DCC: variants seen among roughly 807,000 people sequenced by gnomAD.
The protein encoded by DCC is netrin receptor DCC.
In DCC, 58 loss-of-function variants were observed where a neutral mutation model predicts 172.5. That is an observed-to-expected ratio of 0.34 (90% CI 0.27 to 0.42). The LOEUF is 0.42. Ranked by LOEUF, DCC falls within the 10% of genes least tolerant of loss-of-function variation. The pLI, the probability that DCC is intolerant of heterozygous loss-of-function variation, is 1.00. For missense variants in DCC, 1,740 were observed against 1,791.0 expected (o/e 0.97, Z 0.51); for synonymous variants, 709 against 644.5 (o/e 1.10, Z -1.52).
intron 12 of DCC, among the ~76,000 whole-genome samples, chr18:53,278,960 A>G (rs1304969218): frequency 1.3e-5 from 2 of 152,130 alleles, no homozygotes; most frequent in African/African-American, 4.8e-5. Flanking sequence ...TGGTATTTCT[A>G]GTTCTAGATC....
chr18:52,633,172 T>C (rs11664359), intron 1 of DCC, among the ~76,000 whole-genome samples: 3,234 of 151,862 alleles, frequency 0.021, 46 homozygotes, highest in Admixed American at 0.042. Context: ...TGTCCTTCAA[T>C]TGAAGGTCTG....
chr18:53,502,981 A>G (rs925186837), intron 27 of DCC, among the ~76,000 whole-genome samples: 2 of 151,970 alleles, frequency 1.3e-5, no homozygotes, highest in Non-Finnish European at 2.9e-5. Context: ...TGCATGCATT[A>G]GCTATTTTTC....
chr18:53,313,035 G>A (rs2057298521), intron 13 of DCC, among the ~76,000 whole-genome samples: 1 of 141,078 alleles, frequency 7.1e-6, no homozygotes, highest in Admixed American at 7.2e-5. Flanking sequence ...GGAAGAAGGA[G>A]GAAAGGGAAG....
intron 12 of DCC, among the ~76,000 whole-genome samples, chr18:53,294,597 G>C (rs1351846009): frequency 6.6e-6 from 1 of 152,178 alleles, no homozygotes; most frequent in East Asian, 1.9e-4. Flanking sequence ...GTCATCGCTG[G>C]AGGACTCAGC....
intron 1 of DCC, among the ~76,000 whole-genome samples, chr18:52,600,592 C>G (rs1242937904): frequency 6.6e-6 from 1 of 152,098 alleles, no homozygotes; most frequent in Non-Finnish European, 1.5e-5. Context: ...GATTTAAGTA[C>G]ACTAAACGTC....
chr18:53,099,293 A>C (rs181424104), intron 7 of DCC, among the ~76,000 whole-genome samples: 1 of 152,046 alleles, frequency 6.6e-6, no homozygotes, highest in East Asian at 1.9e-4. Context: ...ATTTTATTCA[A>C]TGGGTTATTA....
chr18:53,189,336 A>T lies in DCC; in HGVS notation c.1573+10220A>T, dbSNP rs187144410. On this transcript the variant is annotated intron_variant, in intron 9 of 28. Coordinates refer to ENST00000442544, the MANE Select transcript of DCC (RefSeq NM_005215.4). Reference sequence around the variant, plus strand: ...TAGGGATTTTATCAATTGAAGGTCAAACAGTAGAAATCCAAACCTGTGGTC... The same window carrying T: ...TAGGGATTTTATCAATTGAAGGTCATACAGTAGAAATCCAAACCTGTGGTC... 7.9e-5 allele frequency among the ~76,000 whole-genome samples: 12 copies of T among 152,196 alleles called. No homozygotes were observed. In the East Asian group the frequency reaches 2.3e-3, roughly 29 times the overall value.
chr18:53,212,220 C>G (rs1423045819), intron 11 of DCC, among the ~76,000 whole-genome samples: 2 of 152,104 alleles, frequency 1.3e-5, no homozygotes, highest in Admixed American at 1.3e-4. Context: ...CATCCTTCTC[C>G]ATATTGAGGG....
intron 19 of DCC, among the ~76,000 whole-genome samples, chr18:53,404,980 C>G (rs1014517753): frequency 6.6e-6 from 1 of 151,946 alleles, no homozygotes; most frequent in Non-Finnish European, 1.5e-5. Context: ...ATTGTATTAT[C>G]AAGTTGAGAT....
At chr18:53,077,221 A>ATG (rs2042735960) in intron 7 of DCC, among the ~76,000 whole-genome samples, 1 of 152,088 alleles carries the variant, frequency 6.6e-6, no homozygotes, top group African/African-American at 2.4e-5. Flanking sequence ...ATATATATAT[A>ATG]GTCCTACCTT....
chr18:53,205,290 C>A lies in DCC; in HGVS notation c.1648C>A (p.Pro550Thr), dbSNP rs769342452. 3.1e-6 allele frequency: 5 copies of A among 1,613,538 alleles called. No homozygotes were observed. The highest frequency in any genetic ancestry group is 4.2e-6 in the Non-Finnish European group (5 of 1,179,628). Residue 550 changes from proline (P) to threonine (T), a missense_variant, in exon 10 of 29, where the codon CCC becomes ACC. Pro to Thr is a conservative substitution (Grantham distance 38). Transcript: ENST00000442544. ...SPTSILITWE[P>T]PAYANGPVQG... Reference sequence around the variant, plus strand: ...TACCTCAATTCTTATTACCTGGGAACCCCCTGCCTATGCAAACGGTCCAGT... The same window carrying A: ...TACCTCAATTCTTATTACCTGGGAAACCCCTGCCTATGCAAACGGTCCAGT...
chr18:53,325,664 A>C (rs2057459928), intron 14 of DCC, among the ~76,000 whole-genome samples: 1 of 152,220 alleles, frequency 6.6e-6, no homozygotes, highest in Non-Finnish European at 1.5e-5. Flanking sequence ...AAATGCTTTT[A>C]ATTGGATTTG....
chr18:53,162,227 A>T (rs903872063), intron 8 of DCC, among the ~76,000 whole-genome samples: 2 of 147,354 alleles, frequency 1.4e-5, no homozygotes, highest in East Asian at 4.4e-4. Flanking sequence ...TGAACCTGGG[A>T]GGTGGAGATG....
At chr18:53,199,087 T>A (rs1044287295) in intron 9 of DCC, among the ~76,000 whole-genome samples, 3 of 151,566 alleles carry the variant, frequency 2.0e-5, no homozygotes, top group African/African-American at 7.3e-5. Context: ...TTCTTTTTTT[T>A]TTTTTTGAGA....
chr18:53,085,944 G>T lies in DCC; in HGVS notation c.1261+19778G>T. Among the ~76,000 whole-genome samples the T allele has an allele frequency of 1.4e-5, 2 of 145,638 alleles. 1 individual carries two copies. The highest frequency in any genetic ancestry group is 5.2e-5 in the African/African-American group (2 of 38,816). Reference sequence around the variant, plus strand: ...TCCAGACCTCTGTCATTTCAGCTTTGGTGGAGTATTTTCTCTTCTTCTTCT... The same window carrying T: ...TCCAGACCTCTGTCATTTCAGCTTTTGTGGAGTATTTTCTCTTCTTCTTCT... On this transcript the variant is annotated intron_variant, in intron 7 of 28. Coordinates refer to ENST00000442544, the MANE Select transcript of DCC (RefSeq NM_005215.4).
intron 2 of DCC, among the ~76,000 whole-genome samples, chr18:52,821,710 ATATT>A (rs1399841132): frequency 6.6e-6 from 1 of 152,142 alleles, no homozygotes; most frequent in African/African-American, 2.4e-5. Flanking sequence ...AATGCTGTAA[ATATT>A]TATTTCTGTA....
At chr18:53,490,008 G>T (rs962519424) in intron 26 of DCC, among the ~76,000 whole-genome samples, 1 of 152,114 alleles carries the variant, frequency 6.6e-6, no homozygotes, top group African/African-American at 2.4e-5. Context: ...TCTTGTCTTT[G>T]AAACAAGTAG....
At chr18:52,871,582 A>G (rs182986651) in intron 2 of DCC, among the ~76,000 whole-genome samples, 2 of 152,186 alleles carry the variant, frequency 1.3e-5, no homozygotes, top group African/African-American at 4.8e-5. Context: ...TCCTACCTTC[A>G]TAGCTGGGAC....
chr18:53,409,952 C>T lies in DCC; in HGVS notation c.2936-500C>T, dbSNP rs944084937. Among the ~76,000 whole-genome samples the T allele has an allele frequency of 3.3e-5, 5 of 152,130 alleles. No individual in the cohort carries two copies. In the South Asian group the frequency reaches 6.2e-4, roughly 19 times the overall value. ...ACCGTCTGTGAAAGGAAAGCAACAC[C>T]GCCCCTGGCAACCTCACTAAGTTGT... On this transcript the variant is annotated intron_variant, in intron 19 of 28. Transcript: ENST00000442544.
Sources: allele counts gnomAD v4.1 joint callset (sites outside exome capture counted in the v4.1 genomes callset), GRCh38; gene constraint gnomAD v4.1.1; transcripts MANE v1.5; gene names NCBI Gene and HGNC (gene_info 2026-07-23, HGNC 2026-07-21).